The following CTNNA2 variants were observed in gnomAD, a reference collection of about 807,000 sequenced individuals.
CTNNA2 encodes catenin alpha-2.
A neutral mutation model predicts 101.0 loss-of-function variants in CTNNA2; 42 were observed. The observed-to-expected ratio is 0.42, with a 90% CI of 0.32 to 0.54. The LOEUF (loss-of-function observed/expected upper bound fraction) is 0.54, where lower values mean the gene tolerates loss of function less well. CTNNA2 is among the 20% of genes least tolerant of loss of function. The pLI, the probability that CTNNA2 is intolerant of heterozygous loss-of-function variation, is 0.14. For synonymous variants in CTNNA2, 450 were observed against 456.4 expected (o/e 0.99, Z 0.18); for missense variants, 871 against 1,223.1 (o/e 0.71, Z 4.29).
chr2:79,847,138 G>A (rs1232611910), intron 3 of CTNNA2, among the ~76,000 whole-genome samples: 2 of 149,506 alleles, frequency 1.3e-5, no homozygotes, highest in African/African-American at 5.0e-5. Flanking sequence ...CTTCTTAAAG[G>A]ACATTTAAAC....
intron 9 of CTNNA2, among the ~76,000 whole-genome samples, chr2:80,511,418 G>A (rs1392395324): frequency 1.3e-5 from 2 of 152,166 alleles, no homozygotes; most frequent in African/African-American, 4.8e-5. Context: ...ATGGTTATAG[G>A]TGAGTTCAAA....
rs575263371 is a variant in CTNNA2, at chr2:79,551,960, C to T, written c.-6+38753C>T. On this transcript the variant is annotated intron_variant, in intron 1 of 18. Coordinates refer to ENST00000402739, the MANE Select transcript of CTNNA2 (RefSeq NM_001282597.3). ...ATGAAATTTGGGCAGGGACACAAAT[C>T]CAAACCATATCATTTCACCTCTGGC... Among the ~76,000 whole-genome samples the T allele has an allele frequency of 1.2e-4, 18 of 152,196 alleles. 1 individual carries two copies. In the South Asian group the frequency reaches 3.5e-3, roughly 30 times the overall value.
chr2:79,334,675 TTA>T (rs1676953590), intron 3 of CTNNA2, among the ~76,000 whole-genome samples: 1 of 152,022 alleles, frequency 6.6e-6, no homozygotes, highest in South Asian at 2.1e-4. Context: ...GTCATTGTGG[TTA>T]TATGTTTCAT....
intron 4 of CTNNA2, among the ~76,000 whole-genome samples, chr2:79,490,170 A>T (rs1020049933): frequency 6.6e-6 from 1 of 152,192 alleles, no homozygotes; most frequent in Non-Finnish European, 1.5e-5. Context: ...GACCATACAT[A>T]GTATATATAC....
chr2:79,429,539 C>A (rs185334688), intron 4 of CTNNA2, among the ~76,000 whole-genome samples: 1 of 152,196 alleles, frequency 6.6e-6, no homozygotes, highest in African/African-American at 2.4e-5. Flanking sequence ...TAGTCTTTCC[C>A]AGTGAACTCC....
chr2:79,507,347 G>T (rs545539622), intron 5 of CTNNA2, among the ~76,000 whole-genome samples: 41 of 152,256 alleles, frequency 2.7e-4, no homozygotes, highest in Admixed American at 1.4e-3. Context: ...TTTTAGAGGT[G>T]TTTAGGTCAT....
intron 1 of CTNNA2, among the ~76,000 whole-genome samples, chr2:79,189,978 A>C (rs1006331723): frequency 1.3e-5 from 2 of 152,108 alleles, no homozygotes; most frequent in Non-Finnish European, 1.5e-5. Context: ...GCTGAGGGGA[A>C]AATTAAGGCA....
intron 1 of CTNNA2, among the ~76,000 whole-genome samples, chr2:79,629,674 A>T (rs1021038068): frequency 7.9e-5 from 12 of 152,228 alleles, no homozygotes; most frequent in African/African-American, 2.9e-4. Context: ...AGTGGGAGCC[A>T]GGTGCCACAG....
chr2:80,193,617 T>C (rs1706661546), intron 7 of CTNNA2, among the ~76,000 whole-genome samples: 1 of 152,224 alleles, frequency 6.6e-6, no homozygotes, highest in Non-Finnish European at 1.5e-5. Flanking sequence ...TGCTGGGCAG[T>C]GCTGCTTTCT....
At chr2:79,541,114 C>T (rs1219173199) in intron 1 of CTNNA2, among the ~76,000 whole-genome samples, 1 of 151,856 alleles carries the variant, frequency 6.6e-6, no homozygotes, top group Non-Finnish European at 1.5e-5. Flanking sequence ...CTGTGCTTAT[C>T]CCTATGTGTC....
chr2:80,221,760 G>T (rs1312974974), intron 7 of CTNNA2, among the ~76,000 whole-genome samples: 1 of 152,164 alleles, frequency 6.6e-6, no homozygotes, highest in Non-Finnish European at 1.5e-5. Flanking sequence ...CAATCAAAAA[G>T]ATGAAGGAAA....
At chr2:79,965,212 A>G (rs575016239) in intron 7 of CTNNA2, among the ~76,000 whole-genome samples, 8 of 152,310 alleles carry the variant, frequency 5.3e-5, no homozygotes, top group African/African-American at 1.9e-4. Context: ...AGAGAGCTCA[A>G]ACTGAATGAC....
At chr2:80,382,360 TAA>T (rs3040573) in intron 7 of CTNNA2, among the ~76,000 whole-genome samples, 38,070 of 144,608 alleles carry the variant, frequency 0.26, 7,325 homozygotes, top group African/African-American at 0.55. Flanking sequence ...TTTAATTGGA[TAA>T]AAAAAAAAAA....
intron 18 of CTNNA2, among the ~76,000 whole-genome samples, chr2:80,629,222 A>G (rs745789814): frequency 1.3e-5 from 2 of 152,166 alleles, no homozygotes; most frequent in African/African-American, 2.4e-5. Flanking sequence ...GGTGCTGGAC[A>G]TAACAGCAGT....
chr2:80,410,842 C>G (rs1679503151), intron 8 of CTNNA2, among the ~76,000 whole-genome samples: 1 of 152,114 alleles, frequency 6.6e-6, no homozygotes, highest in African/African-American at 2.4e-5. Flanking sequence ...AGGATTCTGG[C>G]TTCCACTTTT....
chr2:79,411,925 G>T (rs1339607107), intron 4 of CTNNA2, among the ~76,000 whole-genome samples: 3 of 152,046 alleles, frequency 2.0e-5, no homozygotes, highest in Non-Finnish European at 4.4e-5. Context: ...TGGACTAAAT[G>T]CTCCAATTAA....
intron 7 of CTNNA2, among the ~76,000 whole-genome samples, chr2:80,070,801 G>T (rs371348984): frequency 2.0e-5 from 3 of 151,960 alleles, no homozygotes; most frequent in Admixed American, 1.3e-4. Context: ...AAGGCTCTAG[G>T]GGGGAATCTC....
chr2:80,469,183 G>A (rs1477506962), intron 9 of CTNNA2, among the ~76,000 whole-genome samples: 1 of 152,152 alleles, frequency 6.6e-6, no homozygotes, highest in Admixed American at 6.5e-5. Flanking sequence ...CTTAGGGTCT[G>A]AGGTTTTGGT....
intron 4 of CTNNA2, among the ~76,000 whole-genome samples, chr2:79,377,899 C>T (rs777874595): frequency 3.3e-5 from 5 of 152,134 alleles, no homozygotes; most frequent in Admixed American, 1.3e-4. Context: ...AGTCTCTGAC[C>T]TAGGAGTTTC....
Sources: allele counts gnomAD v4.1 joint callset (sites outside exome capture counted in the v4.1 genomes callset), GRCh38; gene constraint gnomAD v4.1.1; transcripts MANE v1.5; gene names NCBI Gene and HGNC (gene_info 2026-07-23, HGNC 2026-07-21).